Variants in KDM6A observed in about 807,000 individuals in gnomAD.
The protein encoded by KDM6A is lysine-specific demethylase 6A.
In KDM6A, 11 loss-of-function variants were observed where a neutral mutation model predicts 117.6. The ratio of observed to expected loss-of-function variants is 0.09; its 90% CI spans 0.06 to 0.15. The LOEUF is 0.15. Among genes scored for constraint, KDM6A ranks in the 10% least tolerant of loss-of-function variants. The probability of loss-of-function intolerance (pLI) is 1.00; values close to 1 mark genes in which losing one functional copy is unlikely to be tolerated. For missense variants in KDM6A, 799 were observed against 1,077.3 expected, an observed-to-expected ratio of 0.74 and a Z score of 3.62; for synonymous variants, 384 against 396.1, an observed-to-expected ratio of 0.97 and a Z score of 0.36.
At chrX:44,981,051 C>T (rs893236231) in intron 4 of KDM6A, among the ~76,000 whole-genome samples, 2 of 111,442 alleles carry the variant, frequency 1.8e-5, no homozygotes, top group Non-Finnish European at 3.8e-5. Context: ...TCCTCCTATA[C>T]TCTCACAACA....
chrX:44,904,317 C>T (rs1008390341), intron 2 of KDM6A, among the ~76,000 whole-genome samples: 1 of 111,846 alleles, frequency 8.9e-6, no homozygotes, highest in Non-Finnish European at 1.9e-5. Flanking sequence ...TTGTGCAGAG[C>T]CTCATGGTAA....
intron 4 of KDM6A, among the ~76,000 whole-genome samples, chrX:44,986,946 G>A (rs1426666808): frequency 4.5e-5 from 5 of 111,377 alleles, no homozygotes; most frequent in African/African-American, 1.6e-4. Flanking sequence ...GCAGAGCTGA[G>A]TTCAATTCCT....
At chrX:45,072,826 T>A (rs1184469278) in intron 18 of KDM6A, among the ~76,000 whole-genome samples, 1 of 108,236 alleles carries the variant, frequency 9.2e-6, no homozygotes, top group Non-Finnish European at 1.9e-5. Context: ...TTTTCATAAG[T>A]TTGTATTAAT....
At chrX:44,914,048 C>G (rs1167184851) in intron 2 of KDM6A, among the ~76,000 whole-genome samples, 2 of 111,958 alleles carry the variant, frequency 1.8e-5, no homozygotes, top group African/African-American at 6.5e-5. Context: ...TATAAATAAC[C>G]CTGTCTCCTT....
At chrX:44,966,097 G>T (rs1441325821) in intron 3 of KDM6A, among the ~76,000 whole-genome samples, 1 of 109,877 alleles carries the variant, frequency 9.1e-6, no homozygotes, top group Non-Finnish European at 1.9e-5. Flanking sequence ...CACTATGTTA[G>T]ACTGTGACTA....
chrX:45,074,130 G>C (rs1316519637), intron 18 of KDM6A, among the ~76,000 whole-genome samples: 1 of 111,663 alleles, frequency 9.0e-6, no homozygotes, highest in African/African-American at 3.3e-5. Context: ...ATTAAATAGG[G>C]AATCCTTTCC....
At chrX:44,930,954 T>C (rs5952273) in intron 2 of KDM6A, among the ~76,000 whole-genome samples, 24,297 of 111,292 alleles carry the variant, frequency 0.22, 4,353 homozygotes, top group African/African-American at 0.61. Context: ...ATCCCTCCCC[T>C]CCTTCATGTT....
At chrX:44,891,787 C>T (rs759508104) in intron 2 of KDM6A, among the ~76,000 whole-genome samples, 78 of 111,436 alleles carry the variant, frequency 7.0e-4, no homozygotes, top group African/African-American at 2.4e-3. Context: ...TTATTTGGCC[C>T]GATTGGCTAG....
chrX:44,943,359 A>G (rs1293347589), intron 2 of KDM6A, among the ~76,000 whole-genome samples: 1 of 102,582 alleles, frequency 9.7e-6, no homozygotes, highest in African/African-American at 4.2e-5. Flanking sequence ...ATTGCTAAAA[A>G]AAGTGTCAGC....
chrX:44,946,667 T>A (rs1292568834), intron 2 of KDM6A, among the ~76,000 whole-genome samples: 2 of 111,831 alleles, frequency 1.8e-5, no homozygotes, highest in Non-Finnish European at 3.8e-5. Context: ...TGTTTTCTTC[T>A]TAAGGATTTA....
chrX:44,979,863 T>C (rs1470540221), intron 4 of KDM6A, among the ~76,000 whole-genome samples: 1 of 111,522 alleles, frequency 9.0e-6, no homozygotes, highest in Non-Finnish European at 1.9e-5. Flanking sequence ...CAATTTAGTT[T>C]TCTGTTTCTA....
chrX:44,882,693 A>G (rs768563560), intron 2 of KDM6A, among the ~76,000 whole-genome samples: 2 of 112,205 alleles, frequency 1.8e-5, no homozygotes, highest in Non-Finnish European at 3.8e-5. Flanking sequence ...CAGTAGTTAA[A>G]TAAATATTTT....
chrX:44,922,248 T>C (rs1296966487), intron 2 of KDM6A, among the ~76,000 whole-genome samples: 1 of 105,808 alleles, frequency 9.5e-6, no homozygotes, highest in African/African-American at 3.4e-5. Flanking sequence ...TTCGCCGTGT[T>C]GCCCAGGCTG....
intron 2 of KDM6A, among the ~76,000 whole-genome samples, chrX:44,937,118 CT>C (rs534711548): frequency 1.1e-3 from 109 of 102,899 alleles, no homozygotes; most frequent in African/African-American, 2.1e-3. Context: ...TACATTGACC[CT>C]TTTTTTTTTT....
intron 2 of KDM6A, among the ~76,000 whole-genome samples, chrX:44,888,089 G>A (rs1464593403): frequency 9.0e-6 from 1 of 111,319 alleles, no homozygotes; most frequent in African/African-American, 3.3e-5. Context: ...GGTGGATCAT[G>A]AGGTTGGGAG....
chrX:45,072,160 A>G (rs1009655246), intron 18 of KDM6A, among the ~76,000 whole-genome samples: 1 of 112,170 alleles, frequency 8.9e-6, no homozygotes, highest in Non-Finnish European at 1.9e-5. Flanking sequence ...TTTAGTTGTT[A>G]TTCTGACATA....
chrX:44,956,565 G>T (rs1230094618), intron 2 of KDM6A, among the ~76,000 whole-genome samples: 1 of 110,320 alleles, frequency 9.1e-6, no homozygotes, highest in Non-Finnish European at 1.9e-5. Flanking sequence ...ACCATGCCTG[G>T]GTAATTTTTT....
chrX:45,093,099 C>G (rs1359332278), intron 27 of KDM6A, among the ~76,000 whole-genome samples: 1 of 110,550 alleles, frequency 9.0e-6, no homozygotes, highest in Non-Finnish European at 1.9e-5. Context: ...GAAAATGGAT[C>G]TAGTGGGTGC....
rs779495727 is a variant in KDM6A at position 44,961,230 on chromosome X, A to G, written c.226-54A>G. The G allele has an allele frequency of 6.8e-6, 6 of 878,359 alleles. 1 individual carries two copies. In the Admixed American group the frequency reaches 9.7e-5, roughly 14 times the overall value. The allele number at this position is 878,359 out of a possible 1,213,427, so 72.4% of individuals were successfully genotyped here. ...CTATATGCATTATCTTGGGGAGGAAATGTATTTTAGGGCTTTATTTTTTGC... is the reference window on the plus strand; with the variant it reads ...CTATATGCATTATCTTGGGGAGGAAGTGTATTTTAGGGCTTTATTTTTTGC... On this transcript the variant is annotated intron_variant, in intron 2 of 29. Transcript: ENST00000611820.
Sources: allele counts gnomAD v4.1 joint callset (sites outside exome capture counted in the v4.1 genomes callset), GRCh38; gene constraint gnomAD v4.1.1; transcripts MANE v1.5; gene names NCBI Gene and HGNC (gene_info 2026-07-23, HGNC 2026-07-21).